TAPT1: variants seen among roughly 807,000 people sequenced by gnomAD.
TAPT1 encodes transmembrane anterior posterior transformation protein 1 homolog.
TAPT1 carries 28 observed loss-of-function variants against 65.6 expected under a neutral mutation model. The ratio of observed to expected loss-of-function variants is 0.43; its 90% confidence interval spans 0.32 to 0.59. TAPT1 has a LOEUF of 0.59. TAPT1 is among the 20% of genes least tolerant of loss of function. The probability of loss-of-function intolerance (pLI) is 0.09; values close to 1 mark genes in which losing one functional copy is unlikely to be tolerated. For synonymous variants in TAPT1, 278 were observed against 245.2 expected (o/e 1.13, Z -1.25); for missense variants, 563 against 679.9 (o/e 0.83, Z 1.91).
chr4:16,166,504 C>T (rs1747629915), intron 13 of TAPT1, 129 bp downstream of exon 13: 1 of 1,122,590 alleles, frequency 8.9e-7, no homozygotes, highest in Non-Finnish European at 1.3e-6. Flanking sequence ...ATCTAAAACA[C>T]AACCATTAAA....
upstream of TAPT1, chr4:16,227,249 C>G: frequency 2.2e-6 from 1 of 455,496 alleles, no homozygotes; most frequent in South Asian, 1.6e-5. Flanking sequence ...GGCGGACTTT[C>G]CACACTGTCT....
At chr4:16,226,539 C>T (rs1228968153), upstream of TAPT1, 46 of 914,792 alleles carry the variant, frequency 5.0e-5, no homozygotes, top group Non-Finnish European at 6.1e-5. Context: ...CGCCCCGCCC[C>T]TCGCCGGAGC....
At chr4:16,197,853 T>C (rs1292063461) in intron 3 of TAPT1, among the ~76,000 whole-genome samples, 2 of 150,402 alleles carry the variant, frequency 1.3e-5, no homozygotes, top group Non-Finnish European at 3.0e-5. Flanking sequence ...CATTTTCTAA[T>C]TTTTTTTTTA....
chr4:16,179,179 A>G (rs917479867), intron 8 of TAPT1: 2 of 156,180 alleles, frequency 1.3e-5, no homozygotes, highest in African/African-American at 4.8e-5. Context: ...ACTTACACAA[A>G]CCTAGATGGT....
chr4:16,181,769 T>C (rs1748726115), intron 7 of TAPT1, among the ~76,000 whole-genome samples: 1 of 152,200 alleles, frequency 6.6e-6, no homozygotes, highest in Admixed American at 6.5e-5. Context: ...GGTTTCACCA[T>C]GTTGGCCAAG....
At chr4:16,170,850 T>C (rs757287791) in intron 11 of TAPT1, 121 bp from the exon 12 acceptor site, 21 of 680,444 alleles carry the variant, frequency 3.1e-5, no homozygotes, top group Non-Finnish European at 5.0e-5. Context: ...CATATATCTA[T>C]GGCCTTTGTC....
intron 3 of TAPT1, among the ~76,000 whole-genome samples, chr4:16,199,057 T>A (rs368794775): frequency 6.6e-6 from 1 of 152,192 alleles, no homozygotes; most frequent in African/African-American, 2.4e-5. Context: ...ATTTTCATAT[T>A]CTGTGTAACC....
Position 16,184,888 on chromosome 4 carries a change from T to C in TAPT1, c.916+1647A>G, listed in dbSNP as rs566148052. On this transcript the variant is annotated intron_variant, in intron 7 of 13. Coordinates refer to ENST00000405303, the MANE Select transcript of TAPT1 (RefSeq NM_153365.3). The stretch of plus-strand genomic sequence containing the variant: ...CAAACAAAATCTATCGTCAGATATA[T>C]GCATCTCAAATCTTTTCTCTTAGTA... Among the ~76,000 whole-genome samples the C allele has an allele frequency of 2.6e-5, 4 of 152,354 alleles. No homozygotes were observed. The East Asian group carries it at 5.8e-4, about 22-fold the overall frequency.
intron 1 of TAPT1, among the ~76,000 whole-genome samples, chr4:16,215,566 C>A (rs879696163): frequency 1.3e-5 from 2 of 152,048 alleles, no homozygotes; most frequent in Admixed American, 6.5e-5. Flanking sequence ...ATGAGAGATA[C>A]CTGGAGTTGA....
chr4:16,218,726 G>A (rs1412530415), intron 1 of TAPT1, among the ~76,000 whole-genome samples: 1 of 152,236 alleles, frequency 6.6e-6, no homozygotes, highest in Non-Finnish European at 1.5e-5. Context: ...AAACTGCAAA[G>A]CATGACGCAG....
At chr4:16,191,122 C>T in intron 4 of TAPT1, 1 of 394,310 alleles carries the variant, frequency 2.5e-6, no homozygotes, top group Non-Finnish European at 4.6e-6. Flanking sequence ...AGAGGTGTGT[C>T]CCAGACCAGC....
At chr4:16,167,318 C>A (rs1008970638) in intron 12 of TAPT1, among the ~76,000 whole-genome samples, 2 of 152,050 alleles carry the variant, frequency 1.3e-5, no homozygotes, top group South Asian at 2.1e-4. Flanking sequence ...AGAAATTATA[C>A]CATTTAGAAA....
At chr4:16,171,640 T>C (rs1331536243) in intron 11 of TAPT1, among the ~76,000 whole-genome samples, 1 of 152,204 alleles carries the variant, frequency 6.6e-6, no homozygotes, top group Non-Finnish European at 1.5e-5. Flanking sequence ...GCTTGTCATA[T>C]GTTCAATAAA....
intron 1 of TAPT1, among the ~76,000 whole-genome samples, chr4:16,218,244 A>G (rs1751049824): frequency 6.6e-6 from 1 of 152,144 alleles, no homozygotes. Context: ...TCTCTACTAA[A>G]AATACAAAAA....
At chr4:16,223,008 C>T (rs1443368) in intron 1 of TAPT1, among the ~76,000 whole-genome samples, 8,049 of 152,272 alleles carry the variant, frequency 0.053, 238 homozygotes, top group Middle Eastern at 0.14. Flanking sequence ...CTGTGCTACC[C>T]TCACAGGTGC....
In TAPT1 at chr4:16,226,358, C is replaced by T. The variant is rs1045913560; in HGVS notation, c.100G>A (p.Gly34Ser). 3.1e-5 allele frequency: 35 copies of T among 1,112,778 alleles called. No individual in the cohort carries two copies. The African/African-American group carries it at 5.5e-4, about 18-fold the overall frequency. 68.9% of individuals were successfully genotyped at this position (1,112,778 alleles called of 1,614,324 possible). A position where few individuals can be genotyped will look rare whatever the true frequency, so the allele number is the denominator to read the frequency against. The change falls in exon 1 of 14, where the codon GGC becomes AGC. Residue 34 changes from glycine (G) to serine (S), a missense_variant. This residue lies in a region of TAPT1 where 103 missense variants were observed against 89.4 expected (regional missense o/e 1.15). Transcript: ENST00000405303. ...DGRGEAEQPG[G>S]SGGQGPPPAP... is the part of the protein sequence containing the mutation. ...GGCGGGGGCCCCTGTCCGCCGCTGC[C>T]GCCCGGCTGCTCCGCCTCGCCGCGG...
At position 16,202,491 on chromosome 4, in the gene TAPT1, C is replaced by T. The variant is rs1750094623; in HGVS notation, c.420G>A (p.Arg140=). The change falls in exon 3 of 14, where the codon AGG becomes AGA. Residue 140 remains arginine (R), a synonymous_variant. Coordinates refer to ENST00000405303, the MANE Select transcript of TAPT1 (RefSeq NM_153365.3). ...LPLRVFLALF[R]LLTLPCYGLR... Reference sequence around the variant, plus strand: ...AGCCATAGCAAGGCAAAGTGAGGAGCCTGAATAGTGCCAGGAAAACTCTTA... The same window carrying T: ...AGCCATAGCAAGGCAAAGTGAGGAGTCTGAATAGTGCCAGGAAAACTCTTA... 15 of 1,551,094 alleles carry T rather than the reference C, an allele frequency of 9.7e-6. No individual in the cohort carries two copies. Among genetic ancestry groups the T allele is most frequent in the Non-Finnish European group, 1.1e-5 (13 of 1,146,626 alleles).
intron 11 of TAPT1, among the ~76,000 whole-genome samples, chr4:16,173,548 A>G (rs1748139225): frequency 7.7e-6 from 1 of 129,758 alleles, no homozygotes; most frequent in African/African-American, 2.5e-5. Context: ...CCTCCCGAGT[A>G]AAAAAAAAAT....
At chr4:16,205,350 T>C (rs974611624) in intron 2 of TAPT1, among the ~76,000 whole-genome samples, 3 of 152,208 alleles carry the variant, frequency 2.0e-5, no homozygotes, top group African/African-American at 7.2e-5. Context: ...CGAGGATCGC[T>C]GGTCTAGGGT....
Sources: allele counts gnomAD v4.1 joint callset (sites outside exome capture counted in the v4.1 genomes callset), GRCh38; gene constraint gnomAD v4.1.1; regional missense constraint gnomAD v4.1.1; transcripts MANE v1.5; gene names NCBI Gene and HGNC (gene_info 2026-07-23, HGNC 2026-07-21).